RUNX3: variants seen among roughly 807,000 people sequenced by gnomAD.
RUNX3 encodes the protein runt-related transcription factor 3.
A neutral mutation model predicts 27.7 loss-of-function variants in RUNX3; 10 were observed. The ratio of observed to expected loss-of-function variants is 0.36; its 90% confidence interval spans 0.22 to 0.61. The LOEUF (loss-of-function observed/expected upper bound fraction) is 0.61. Ranked by LOEUF, RUNX3 falls within the 20% of genes least tolerant of loss-of-function variation. The pLI, the probability that RUNX3 is intolerant of heterozygous loss-of-function variation, is 0.72. For synonymous variants in RUNX3, 270 were observed against 269.2 expected, an observed-to-expected ratio of 1.00 and a Z score of -0.03; for missense variants, 469 against 629.5, an observed-to-expected ratio of 0.75 and a Z score of 2.73.
intron 2 of RUNX3, among the ~76,000 whole-genome samples, chr1:24,960,357 C>T (rs1188205418): frequency 6.6e-6 from 1 of 152,226 alleles, no homozygotes. Context: ...AAACCAGAGA[C>T]AGAGAAGTGA....
chr1:24,935,666 G>A (rs1346635332), intron 2 of RUNX3, among the ~76,000 whole-genome samples: 1 of 152,218 alleles, frequency 6.6e-6, no homozygotes, highest in East Asian at 1.9e-4. Context: ...ACTCGCTCTT[G>A]TCATCTGTAA....
chr1:24,929,575 T>C lies in RUNX3; in HGVS notation c.282+12A>G. 3.8e-6 allele frequency: 6 copies of C among 1,599,564 alleles called. No homozygotes were observed. Among genetic ancestry groups the C allele is most frequent in the Non-Finnish European group, 5.1e-6 (6 of 1,176,202 alleles). ...AGGGCCGGCGCCCTCCCGCCCCGGG[T>C]CCCGCACTCACCTTGAAGGCGACGG... On this transcript the variant is annotated intron_variant, in intron 1 of 4. Transcript: ENST00000308873.
At chr1:24,931,434 A>G (rs1641225618), upstream of RUNX3, among the ~76,000 whole-genome samples, 1 of 152,148 alleles carries the variant, frequency 6.6e-6, no homozygotes, top group African/African-American at 2.4e-5. Flanking sequence ...GAGCAGACCT[A>G]GGGGCCGGCT....
upstream of RUNX3, among the ~76,000 whole-genome samples, chr1:24,934,445 G>T (rs1163046841): frequency 6.6e-6 from 1 of 152,208 alleles, no homozygotes; most frequent in East Asian, 1.9e-4. Flanking sequence ...TGGTGAGGGT[G>T]TTAGGACCCA....
rs532454563 is a variant in RUNX3, at chr1:24,929,787, TGCC to T, written c.79_81del (p.Gly27del). ...AGCGCGCCGCTGTTCTCGCCCATCT[TGCC>T]GCCGCCGCCGCCGCAGGGGAAGGCC... On this transcript the variant is annotated inframe_deletion, in exon 1 of 5. Coordinates refer to ENST00000308873, the MANE Select transcript of RUNX3 (RefSeq NM_004350.3). The T allele has an allele frequency of 3.4e-4, 487 of 1,428,474 alleles. No individual in the cohort carries two copies. Among genetic ancestry groups the T allele is most frequent in the South Asian group, 1.8e-3 (124 of 69,256 alleles). 88.5% of individuals were successfully genotyped at this position (1,428,474 alleles called of 1,614,324 possible).
At chr1:24,919,086 AG>A (rs1219762942) in intron 3 of RUNX3, among the ~76,000 whole-genome samples, 153 bp downstream of exon 3, 1 of 152,214 alleles carries the variant, frequency 6.6e-6, no homozygotes, top group East Asian at 1.9e-4. Context: ...CAGAGGGTTT[AG>A]GGGTTTGCCA....
chr1:24,920,381 TGA>T (rs1036256665), intron 2 of RUNX3, among the ~76,000 whole-genome samples: 1 of 151,992 alleles, frequency 6.6e-6, no homozygotes, highest in Admixed American at 6.6e-5. Context: ...CCTCTTGGAG[TGA>T]GATGACTCTC....
chr1:24,930,186 C>T lies in RUNX3; in HGVS notation c.-318G>A, dbSNP rs1641191066. ...CGGCGGGGCCCGCGCGGGGCTGTGCCGCTGCCGCCGCCTCCCGCCCCGAAG... is the reference window on the plus strand; with the variant it reads ...CGGCGGGGCCCGCGCGGGGCTGTGCTGCTGCCGCCGCCTCCCGCCCCGAAG... On this transcript the variant is annotated 5_prime_UTR_variant, in exon 1 of 5. Coordinates refer to ENST00000308873, the MANE Select transcript of RUNX3 (RefSeq NM_004350.3). The surrounding 1 kb of genome is among the most constrained non-coding windows in gnomAD (Gnocchi z 4.1). 2 of 979,170 alleles carry T rather than the reference C, an allele frequency of 2.0e-6. No homozygotes were observed. The highest frequency in any genetic ancestry group is 4.7e-5 in the South Asian group (1 of 21,234). 60.7% of individuals were successfully genotyped at this position (979,170 alleles called of 1,614,324 possible).
At chr1:24,954,829 C>T (rs942944783) in intron 2 of RUNX3, among the ~76,000 whole-genome samples, 1 of 152,176 alleles carries the variant, frequency 6.6e-6, no homozygotes, top group African/African-American at 2.4e-5. Context: ...TCTCTGTTCA[C>T]ACACGTACCT....
At chr1:24,934,618 G>A (rs182162761), upstream of RUNX3, among the ~76,000 whole-genome samples, 2 of 152,284 alleles carry the variant, frequency 1.3e-5, no homozygotes, top group Admixed American at 1.3e-4. Context: ...CAATCCCCAC[G>A]GCGTCATATG....
At chr1:24,929,411 A>G in intron 1 of RUNX3, 176 bp downstream of exon 1, 1 of 734,364 alleles carries the variant, frequency 1.4e-6, no homozygotes, top group Non-Finnish European at 2.4e-6. Context: ...GCGCATCCAA[A>G]ACGGAACGCC....
At chr1:24,936,970 C>A (rs556977593) in intron 2 of RUNX3, among the ~76,000 whole-genome samples, 13 of 152,188 alleles carry the variant, frequency 8.5e-5, no homozygotes, top group African/African-American at 3.1e-4. Context: ...CAGCCCTTTG[C>A]GGAAATAAAT....
intron 3 of RUNX3, among the ~76,000 whole-genome samples, chr1:24,908,486 A>C (rs1467141503): frequency 6.6e-6 from 1 of 152,028 alleles, no homozygotes; most frequent in Non-Finnish European, 1.5e-5. Context: ...GTCTGTACAA[A>C]AATTAAAAAA....
At chr1:24,930,387 G>T (rs549421688), upstream of RUNX3, 2 of 278,970 alleles carry the variant, frequency 7.2e-6, no homozygotes, top group African/African-American at 4.6e-5. The surrounding 1 kb of genome is among the most constrained non-coding windows in gnomAD (Gnocchi z 4.1). Flanking sequence ...GGGCACCTCG[G>T]TGGCGTTCGC....
Position 24,902,713 on chromosome 1 carries a change from A to C in RUNX3, c.704-47T>G. 6.9e-7 allele frequency: 1 copy of C among 1,455,192 alleles called. No individual in the cohort carries two copies. The highest frequency in any genetic ancestry group is 9.2e-7 in the Non-Finnish European group (1 of 1,090,364). 90.1% of individuals were successfully genotyped at this position (1,455,192 alleles called of 1,614,324 possible). The stretch of plus-strand genomic sequence containing the variant: ...GTCAGTTCCAGCTCGAGACAACCCC[A>C]GGAGGGCTTCCTGAAGAATGACCTT... On this transcript the variant is annotated intron_variant, in intron 4 of 4. Transcript: ENST00000308873. This position sits in a 1 kb window ranked among gnomAD's most constrained non-coding sequence, Gnocchi z 9.2.
In RUNX3 at chr1:24,939,955, C is replaced by T. The variant is rs74759232; in HGVS notation, c.59-10103G>A. Among the ~76,000 whole-genome samples, 733 of 152,348 alleles carry T rather than the reference C, an allele frequency of 4.8e-3. 2 individuals are homozygous for T. Among genetic ancestry groups the T allele is most frequent in the Non-Finnish European group, 8.3e-3 (566 of 68,020 alleles). On this transcript the variant is annotated intron_variant, in intron 2 of 6. Transcript: ENST00000338888. ...CTCTCTGGGCTTCATCCTGAGCCCC[C>T]TCTGTTAGGGCCATGTGACACCCCC...
chr1:24,941,336 A>G (rs1302581922), intron 2 of RUNX3, among the ~76,000 whole-genome samples: 4 of 152,218 alleles, frequency 2.6e-5, no homozygotes, highest in African/African-American at 7.2e-5. Flanking sequence ...TGGGATTTGA[A>G]CCAGCTCTGT....
chr1:24,927,812 C>A lies in RUNX3; in HGVS notation c.283-82G>T. 8.0e-7 allele frequency: 1 copy of A among 1,254,394 alleles called. No homozygotes were observed. Among genetic ancestry groups the A allele is most frequent in the Non-Finnish European group, 1.2e-6 (1 of 858,898 alleles). The allele number at this position is 1,254,394 out of a possible 1,614,324, so 77.7% of individuals were successfully genotyped here. A position where few individuals can be genotyped will look rare whatever the true frequency, so the allele number is the denominator to read the frequency against. On this transcript the variant is annotated intron_variant, in intron 1 of 4. Coordinates refer to ENST00000308873, the MANE Select transcript of RUNX3 (RefSeq NM_004350.3). The surrounding 1 kb of genome is among the most constrained non-coding windows in gnomAD (Gnocchi z 5.0). ...CAGGGAAAGGAGGGGAGGGGCTGGGCTGGGCAGCTCCCCCAGGTCCCAGGC... is the reference window on the plus strand; with the variant it reads ...CAGGGAAAGGAGGGGAGGGGCTGGGATGGGCAGCTCCCCCAGGTCCCAGGC...
At chr1:24,911,568 A>G (rs1459927860) in intron 3 of RUNX3, among the ~76,000 whole-genome samples, 2 of 152,170 alleles carry the variant, frequency 1.3e-5, no homozygotes, top group East Asian at 3.9e-4. Context: ...CACCATCATG[A>G]CCATCGCTTT....
Sources: gnomAD v4.1 joint callset for allele counts (sites outside exome capture counted in the v4.1 genomes callset) on GRCh38, gnomAD v4.1.1 for gene constraint, Gnocchi (gnomAD v3.1) non-coding constraint, MANE v1.5 for transcripts, NCBI Gene and HGNC (gene_info 2026-07-23, HGNC 2026-07-21) for gene names.